GHR: variants seen among roughly 807,000 people sequenced by gnomAD.
The protein encoded by GHR is GH receptor.
In GHR, 35 loss-of-function variants were observed where a neutral mutation model predicts 67.1. The observed-to-expected ratio is 0.52, with a 90% CI of 0.40 to 0.69. GHR has a LOEUF of 0.69. Ranked by LOEUF, GHR falls within the 30% of genes least tolerant of loss-of-function variation. The pLI is 0.00. For synonymous variants in GHR, 272 were observed against 269.1 expected (o/e 1.01, Z -0.10); for missense variants, 792 against 764.6 (o/e 1.04, Z -0.42).
chr5:42,476,145 T>C (rs1745303455), intron 1 of GHR, among the ~76,000 whole-genome samples: 1 of 151,994 alleles, frequency 6.6e-6, no homozygotes, highest in Non-Finnish European at 1.5e-5. Context: ...CCTCGTGATT[T>C]GCCCGCCTCA....
intron 3 of GHR, among the ~76,000 whole-genome samples, chr5:42,655,306 G>C (rs1260939464): frequency 1.3e-5 from 2 of 152,184 alleles, no homozygotes; most frequent in Middle Eastern, 3.4e-3. Context: ...TTCAGGATGA[G>C]GGCACTTGGA....
chr5:42,716,895 G>A (rs552901376), intron 8 of GHR, among the ~76,000 whole-genome samples: 5 of 152,250 alleles, frequency 3.3e-5, no homozygotes, highest in African/African-American at 1.2e-4. Flanking sequence ...CAAAAATCTG[G>A]TTACCACCTC....
At chr5:42,491,109 CA>C (rs1373511154) in intron 1 of GHR, among the ~76,000 whole-genome samples, 1 of 152,170 alleles carries the variant, frequency 6.6e-6, no homozygotes, top group Admixed American at 6.5e-5. Context: ...TTAAATTAGG[CA>C]TGAGACTTCT....
intron 3 of GHR, among the ~76,000 whole-genome samples, chr5:42,684,371 C>T (rs577665830): frequency 7.0e-4 from 106 of 152,206 alleles, no homozygotes; most frequent in Non-Finnish European, 6.5e-4. Context: ...TCTGTGCAAA[C>T]GAACAGTTAG....
At chr5:42,454,630 C>T (rs1376140812) in intron 1 of GHR, among the ~76,000 whole-genome samples, 1 of 152,150 alleles carries the variant, frequency 6.6e-6, no homozygotes, top group Non-Finnish European at 1.5e-5. Flanking sequence ...AATAGTTCAC[C>T]AGGGAAGTGG....
At chr5:42,426,869 T>A (rs1394530181) in intron 1 of GHR, among the ~76,000 whole-genome samples, 1 of 152,208 alleles carries the variant, frequency 6.6e-6, no homozygotes, top group Non-Finnish European at 1.5e-5. Flanking sequence ...TGCATGAACC[T>A]CTATCTGTGA....
intron 3 of GHR, among the ~76,000 whole-genome samples, chr5:42,676,013 A>G (rs1561218686): frequency 6.6e-6 from 1 of 152,216 alleles, no homozygotes; most frequent in Admixed American, 6.5e-5. Context: ...TTGGCTGGGT[A>G]TGGTGGCTCA....
chr5:42,435,800 TA>T (rs1561301864), intron 1 of GHR, among the ~76,000 whole-genome samples: 9 of 152,338 alleles, frequency 5.9e-5, no homozygotes. Context: ...TGTGCTTTTT[TA>T]ATTTGGGCCC....
intron 3 of GHR, among the ~76,000 whole-genome samples, chr5:42,657,001 T>C (rs1322619916): frequency 1.3e-5 from 2 of 152,150 alleles, no homozygotes; most frequent in Non-Finnish European, 2.9e-5. Flanking sequence ...TTCTTATCAC[T>C]GTAACCCTGA....
chr5:42,432,805 A>G (rs989323709), intron 1 of GHR, among the ~76,000 whole-genome samples: 4 of 152,258 alleles, frequency 2.6e-5, no homozygotes, highest in Non-Finnish European at 4.4e-5. Context: ...TTCATAGTTC[A>G]TTCTTTCAAT....
chr5:42,569,786 C>T (rs1369717260), intron 2 of GHR, among the ~76,000 whole-genome samples: 1 of 151,888 alleles, frequency 6.6e-6, no homozygotes, highest in Non-Finnish European at 1.5e-5. Flanking sequence ...TATGTGCACA[C>T]CAGTGAGGTG....
intron 1 of GHR, among the ~76,000 whole-genome samples, chr5:42,454,609 C>T (rs1370025657): frequency 6.6e-6 from 1 of 152,170 alleles, no homozygotes; most frequent in Non-Finnish European, 1.5e-5. Context: ...ATGGCTGCCT[C>T]TGTGGCACAG....
At chr5:42,680,563 A>G (rs1291795165) in intron 3 of GHR, among the ~76,000 whole-genome samples, 1 of 151,524 alleles carries the variant, frequency 6.6e-6, no homozygotes, top group Non-Finnish European at 1.5e-5. Flanking sequence ...GGGTGCAGTG[A>G]CACGATCTCA....
At position 42,424,239 on chromosome 5, in the gene GHR, G is replaced by A. The variant is rs1039596272; in HGVS notation, c.-12+284G>A. 1.4e-5 allele frequency among the ~76,000 whole-genome samples: 2 copies of A among 146,726 alleles called. No individual in the cohort carries two copies. Among genetic ancestry groups the A allele is most frequent in the Admixed American group, 1.4e-4 (2 of 14,776 alleles). Reference sequence around the variant, plus strand: ...GTGTGTCTGGAAGTTGGTGAGGGCGGCAGGGAGTTGCGGGCGACAGACGAA... The same window carrying A: ...GTGTGTCTGGAAGTTGGTGAGGGCGACAGGGAGTTGCGGGCGACAGACGAA... On this transcript the variant is annotated intron_variant, in intron 1 of 9. Transcript: ENST00000230882. The surrounding 1 kb of genome is among the most constrained non-coding windows in gnomAD (Gnocchi z 4.1).
chr5:42,598,247 T>A (rs1266614026), intron 2 of GHR, among the ~76,000 whole-genome samples: 1 of 152,156 alleles, frequency 6.6e-6, no homozygotes, highest in Admixed American at 6.5e-5. Context: ...GAGGTAAGAA[T>A]GGAGGAAGGG....
At chr5:42,573,441 G>C (rs1750447454) in intron 2 of GHR, among the ~76,000 whole-genome samples, 1 of 151,966 alleles carries the variant, frequency 6.6e-6, no homozygotes, top group African/African-American at 2.4e-5. Flanking sequence ...CCTAAGTCTT[G>C]TCAACCTCTT....
intron 3 of GHR, among the ~76,000 whole-genome samples, chr5:42,636,090 G>A (rs959924402): frequency 2.3e-4 from 35 of 151,146 alleles, no homozygotes; most frequent in Admixed American, 8.6e-4. Flanking sequence ...GGCGCCTGTA[G>A]TCCCAGCTAC....
intron 4 of GHR, 147 bp from the exon 5 acceptor site, chr5:42,694,770 A>G (rs928795808): frequency 1.4e-6 from 1 of 706,400 alleles, no homozygotes; most frequent in South Asian, 1.6e-5. Context: ...CTGATGTGAT[A>G]TGTCTCGGAA....
chr5:42,527,318 T>C (rs1321805792), intron 1 of GHR, among the ~76,000 whole-genome samples: 1 of 152,112 alleles, frequency 6.6e-6, no homozygotes, highest in Non-Finnish European at 1.5e-5. Flanking sequence ...TGGTATCCTG[T>C]CTTCAATAGA....
Sources: gnomAD v4.1 joint callset for allele counts (sites outside exome capture counted in the v4.1 genomes callset) on GRCh38, gnomAD v4.1.1 for gene constraint, Gnocchi (gnomAD v3.1) non-coding constraint, MANE v1.5 for transcripts, NCBI Gene and HGNC (gene_info 2026-07-23, HGNC 2026-07-21) for gene names.